The following MSRA variants were observed in gnomAD, a reference collection of about 807,000 sequenced individuals.
MSRA encodes the protein mitochondrial peptide methionine sulfoxide reductase.
Under a neutral mutation model 31.3 loss-of-function variants are expected in MSRA, and 54 were observed. That is an observed-to-expected ratio of 1.73 (90% confidence interval 1.39 to 2.17). The LOEUF is 2.17. MSRA is among the 30% of genes most tolerant of loss of function. The pLI, the probability that MSRA is intolerant of heterozygous loss-of-function variation, is 0.00. For missense variants in MSRA, 507 were observed against 300.9 expected (o/e 1.69, Z -5.07); for synonymous variants, 169 against 116.5 (o/e 1.45, Z -2.90).
intron 2 of MSRA, among the ~76,000 whole-genome samples, chr8:10,219,806 C>CAAAAAAAAA (rs59393980): frequency 0.064 from 3,665 of 56,938 alleles, 533 homozygotes; most frequent in East Asian, 0.16. Flanking sequence ...ACTCTGTCTC[C>CAAAAAAAAA]AAAAAAAAAA....
At chr8:10,254,629 CAG>C (rs1469264929) in intron 3 of MSRA, among the ~76,000 whole-genome samples, 2 of 152,174 alleles carry the variant, frequency 1.3e-5, no homozygotes, top group Non-Finnish European at 2.9e-5. Flanking sequence ...TGCCAGGGGT[CAG>C]AGACACTTGC....
At chr8:10,240,889 G>A (rs1349885538) in intron 2 of MSRA, among the ~76,000 whole-genome samples, 1 of 151,566 alleles carries the variant, frequency 6.6e-6, no homozygotes, top group Non-Finnish European at 1.5e-5. Context: ...TGGTTTTACA[G>A]GATCGCCACA....
chr8:10,067,671 C>G (rs1389307114), intron 1 of MSRA, among the ~76,000 whole-genome samples: 3 of 152,174 alleles, frequency 2.0e-5, no homozygotes, highest in African/African-American at 7.2e-5. Context: ...CCACATCCTT[C>G]CCGGCAGTTG....
chr8:10,418,973 A>G (rs1035067429), intron 5 of MSRA, among the ~76,000 whole-genome samples: 1 of 151,890 alleles, frequency 6.6e-6, no homozygotes, highest in Non-Finnish European at 1.5e-5. Context: ...ACAAAACAAA[A>G]CAAAAATATG....
Position 10,094,395 on chromosome 8 carries a change from A to T in MSRA, c.142+39737A>T, listed in dbSNP as rs1350057988. Among the ~76,000 whole-genome samples the T allele has an allele frequency of 2.0e-5, 3 of 152,356 alleles. No individual in the cohort carries two copies. The East Asian group carries it at 5.8e-4, about 29-fold the overall frequency. On this transcript the variant is annotated intron_variant, in intron 1 of 5. Transcript: ENST00000317173. Reference sequence around the variant, plus strand: ...ATGACACATGATCCTAATTGTGAAGATGACACATTTGATTGGCGGAGCACA... The same window carrying T: ...ATGACACATGATCCTAATTGTGAAGTTGACACATTTGATTGGCGGAGCACA...
chr8:10,179,990 T>C (rs1025474299), intron 1 of MSRA, among the ~76,000 whole-genome samples: 4 of 152,212 alleles, frequency 2.6e-5, no homozygotes, highest in African/African-American at 4.8e-5. Context: ...TCTCCAGTTC[T>C]CTGCAGACAC....
intron 1 of MSRA, among the ~76,000 whole-genome samples, chr8:10,195,586 C>G (rs192991329): frequency 3.9e-5 from 6 of 152,262 alleles, no homozygotes; most frequent in Admixed American, 2.0e-4. Flanking sequence ...GTAGAATCTT[C>G]TTTGTCTTCT....
intron 1 of MSRA, among the ~76,000 whole-genome samples, chr8:10,107,281 T>G (rs1799950337): frequency 6.6e-6 from 1 of 152,092 alleles, no homozygotes; most frequent in Non-Finnish European, 1.5e-5. Flanking sequence ...TTTTTTTAAT[T>G]TAACACTTAA....
At chr8:10,231,966 T>C (rs1211520124) in intron 2 of MSRA, among the ~76,000 whole-genome samples, 1 of 152,140 alleles carries the variant, frequency 6.6e-6, no homozygotes, top group Non-Finnish European at 1.5e-5. Context: ...GTGTATACTT[T>C]ACAGCAAGCT....
At chr8:10,323,189 C>T (rs927826089) in intron 5 of MSRA, among the ~76,000 whole-genome samples, 1 of 151,746 alleles carries the variant, frequency 6.6e-6, no homozygotes, top group African/African-American at 2.4e-5. Context: ...CCAGGCAGGA[C>T]ACTACACTGG....
At chr8:10,379,892 T>C (rs1429722666) in intron 5 of MSRA, among the ~76,000 whole-genome samples, 1 of 152,196 alleles carries the variant, frequency 6.6e-6, no homozygotes, top group Non-Finnish European at 1.5e-5. Context: ...CATTATTGGC[T>C]CATGGACCAC....
At chr8:10,238,678 A>G (rs1473966974) in intron 2 of MSRA, among the ~76,000 whole-genome samples, 2 of 152,224 alleles carry the variant, frequency 1.3e-5, no homozygotes, top group East Asian at 3.8e-4. Flanking sequence ...ATTATTTAAT[A>G]ACAATTTATT....
At chr8:10,390,907 T>G (rs1450378502) in intron 5 of MSRA, among the ~76,000 whole-genome samples, 1 of 146,724 alleles carries the variant, frequency 6.8e-6, no homozygotes, top group Non-Finnish European at 1.5e-5. Flanking sequence ...ACCCGGGAGG[T>G]GGAGTTTGCA....
At chr8:10,054,772 C>G (rs1279446176) in intron 1 of MSRA, 114 bp downstream of exon 1, 4 of 1,222,698 alleles carry the variant, frequency 3.3e-6, no homozygotes, top group South Asian at 2.7e-5. Context: ...TCGGGCGGGT[C>G]GCGGGGTGGG....
At position 10,382,692 on chromosome 8, in the gene MSRA, G is replaced by C. The variant is rs9329221; in HGVS notation, c.544-45456G>C. 4.5e-4 allele frequency among the ~76,000 whole-genome samples: 69 copies of C among 152,094 alleles called. 1 individual carries two copies. Among genetic ancestry groups the C allele is most frequent in the African/African-American group, 1.6e-3 (68 of 41,478 alleles). The stretch of plus-strand genomic sequence containing the variant: ...CATCTCTGCATTCAGAGTTAGCAGA[G>C]GACAAAGGACTCGAATGGGCTAAAG... On this transcript the variant is annotated intron_variant, in intron 5 of 5. Coordinates refer to ENST00000317173, the MANE Select transcript of MSRA (RefSeq NM_012331.5).
chr8:10,163,730 T>C (rs1227840145), intron 1 of MSRA, among the ~76,000 whole-genome samples: 1 of 152,188 alleles, frequency 6.6e-6, no homozygotes, highest in Non-Finnish European at 1.5e-5. Flanking sequence ...AAGGATAACA[T>C]GGCAGCCAGA....
chr8:10,333,236 C>T (rs1802811452), intron 5 of MSRA, among the ~76,000 whole-genome samples: 1 of 152,328 alleles, frequency 6.6e-6, no homozygotes, highest in East Asian at 1.9e-4. Flanking sequence ...TGTTTAGTGG[C>T]TCCCATATGT....
intron 1 of MSRA, among the ~76,000 whole-genome samples, chr8:10,185,002 C>A (rs1563193951): frequency 6.6e-6 from 1 of 152,206 alleles, no homozygotes; most frequent in Non-Finnish European, 1.5e-5. Context: ...ATCTTTATTG[C>A]AGGGCTGAGA....
intron 1 of MSRA, among the ~76,000 whole-genome samples, chr8:10,083,615 G>T (rs1018601702): frequency 2.0e-5 from 3 of 152,148 alleles, no homozygotes; most frequent in African/African-American, 4.8e-5. Context: ...AAATTGGGCA[G>T]TTCCAGATCA....
Sources: gnomAD v4.1 joint callset for allele counts (sites outside exome capture counted in the v4.1 genomes callset) on GRCh38, gnomAD v4.1.1 for gene constraint, MANE v1.5 for transcripts, NCBI Gene and HGNC (gene_info 2026-07-23, HGNC 2026-07-21) for gene names.